The following ITGA2B variants were observed in gnomAD, a reference collection of about 807,000 sequenced individuals.
The protein encoded by ITGA2B is integrin alpha-IIb.
ITGA2B carries 91 observed loss-of-function variants against 142.0 expected under a neutral mutation model. The ratio of observed to expected loss-of-function variants is 0.64; its 90% CI spans 0.54 to 0.76. The LOEUF is 0.76. Among genes scored for constraint, ITGA2B ranks in the 30% least tolerant of loss-of-function variants. ITGA2B has a pLI of 0.00. For missense variants in ITGA2B, 1,231 were observed against 1,350.8 expected (o/e 0.91, Z 1.39); for synonymous variants, 536 against 567.2 (o/e 0.94, Z 0.78).
intron 27 of ITGA2B, 87 bp from the exon 28 acceptor site, chr17:44,374,847 G>T: frequency 1.5e-6 from 2 of 1,331,786 alleles, no homozygotes; most frequent in Non-Finnish European, 1.1e-6. Context: ...CGGCGGGGAA[G>T]CCCTGCCTCT....
intron 27 of ITGA2B, 117 bp from the exon 28 acceptor site, chr17:44,374,877 C>T: frequency 4.0e-6 from 5 of 1,255,388 alleles, no homozygotes; most frequent in Non-Finnish European, 5.7e-6. Context: ...CCACTGCAAT[C>T]CCCCAAAGTA....
intron 27 of ITGA2B, 87 bp from the exon 28 acceptor site, chr17:44,374,847 G>A: frequency 1.5e-6 from 2 of 1,331,788 alleles, no homozygotes; most frequent in Non-Finnish European, 1.1e-6. Flanking sequence ...CGGCGGGGAA[G>A]CCCTGCCTCT....
At chr17:44,376,008 G>T (rs761164872) in intron 24 of ITGA2B, 23 bp from the exon 25 acceptor site, 29 of 1,614,004 alleles carry the variant, frequency 1.8e-5, no homozygotes, top group Non-Finnish European at 2.3e-5. Context: ...TGGTGGCAGG[G>T]TGTGGGGAGC....
chr17:44,376,284 C>T, intron 23 of ITGA2B, 24 bp downstream of exon 23: 1 of 1,614,090 alleles, frequency 6.2e-7, no homozygotes, highest in Non-Finnish European at 8.5e-7. Flanking sequence ...ATGCCATCTC[C>T]CTTCTCCACC....
intron 20 of ITGA2B, among the ~76,000 whole-genome samples, chr17:44,378,067 T>C (rs969818880): frequency 3.3e-5 from 5 of 152,060 alleles, no homozygotes; most frequent in African/African-American, 4.8e-5. Flanking sequence ...TATATACTTA[T>C]GTGAGTGTGA....
chr17:44,375,505 C>T, intron 26 of ITGA2B, 86 bp downstream of exon 26: 4 of 1,535,852 alleles, frequency 2.6e-6, no homozygotes, highest in South Asian at 1.2e-5. Flanking sequence ...AGGCCCACAG[C>T]ACACCCGGAC....
chr17:44,380,408 G>C lies in ITGA2B; in HGVS notation c.1522C>G (p.Gln508Glu), dbSNP rs1199767805. The C allele has an allele frequency of 6.2e-7, 1 of 1,614,048 alleles. No individual in the cohort carries two copies. The highest frequency in any genetic ancestry group is 1.3e-5 in the African/African-American group (1 of 74,936). ...NPAVKSCVLP[Q>E]TKTPVSCFNI... ...CACCAGCTCACGGGTGTCTTGGTCT[G>C]AGGTAGGACACAGCTCTTCACAGCA... The change falls in exon 15 of 30, where the codon CAG (glutamine) becomes GAG (glutamate). Residue 508 changes from glutamine to glutamate, a missense_variant. Around this residue, in one of 3 missense-constraint regions of ITGA2B, gnomAD observed 908 missense variants for 1,021.1 expected, o/e 0.89. Transcript: ENST00000262407.
In ITGA2B at chr17:44,375,907, G is replaced by A. The variant is rs1233056961; in HGVS notation, c.2527C>T (p.Leu843=). The A allele has an allele frequency of 1.2e-6, 2 of 1,612,830 alleles. No homozygotes were observed. Among genetic ancestry groups the A allele is most frequent in the South Asian group, 1.1e-5 (1 of 90,678 alleles). The change falls in exon 25 of 30, where the codon CTG becomes TTG. Residue 843 remains leucine, a synonymous_variant. Transcript: ENST00000262407. ...GGCTGTATATCCAGGATGTAGAGCA[G>A]GTCGGAGGGCTGGGACTGTCCCGGA... ...HLPGQSQPSD[L]LYILDIQPQG...
chr17:44,387,681 C>T lies in ITGA2B; in HGVS notation c.189-1550G>A, dbSNP rs568832561. Among the ~76,000 whole-genome samples the T allele has an allele frequency of 4.4e-3, 659 of 151,468 alleles. 4 individuals carry two copies. The highest frequency in any genetic ancestry group is 0.015 in the African/African-American group (630 of 41,280). On this transcript the variant is annotated intron_variant, in intron 1 of 29. Coordinates refer to ENST00000262407, the MANE Select transcript of ITGA2B (RefSeq NM_000419.5). ...TCTCTACTAAAAATACAAAATTAGC[C>T]GGGTGTGGTGGCACATGCCTGTAAT...
At chr17:44,385,961 A>C in intron 2 of ITGA2B, 40 bp from the exon 3 acceptor site, 1 of 1,614,148 alleles carries the variant, frequency 6.2e-7, no homozygotes, top group Non-Finnish European at 8.5e-7. Context: ...GAAGCCCGGC[A>C]GTCCACGTCC....
chr17:44,387,239 T>G (rs1454300834), intron 1 of ITGA2B, among the ~76,000 whole-genome samples: 1 of 152,060 alleles, frequency 6.6e-6, no homozygotes, highest in Non-Finnish European at 1.5e-5. Flanking sequence ...ATTGTCAGAG[T>G]TGGCCGGGTG....
chr17:44,378,723 A>G lies in ITGA2B; in HGVS notation c.1879-13T>C, dbSNP rs1161369989. ...GGACGATTCGTGTCTAGAGGGGCAC[A>G]TTGGGGTGTGCGGGTAAGTTGGGGA... On this transcript the variant is annotated splice_polypyrimidine_tract_variant and intron_variant, in intron 18 of 29. Transcript: ENST00000262407. 18 of 1,553,866 alleles carry G rather than the reference A, an allele frequency of 1.2e-5. No individual in the cohort carries two copies. Among genetic ancestry groups the G allele is most frequent in the South Asian group, 2.4e-5 (2 of 84,164 alleles).
intron 18 of ITGA2B, among the ~76,000 whole-genome samples, chr17:44,379,217 G>T (rs945891212): frequency 6.7e-6 from 1 of 148,370 alleles, no homozygotes; most frequent in African/African-American, 2.5e-5. Flanking sequence ...GCCTCCCAAA[G>T]TGCTGGGATT....
chr17:44,384,620 G>A (rs554920295), intron 7 of ITGA2B, 35 bp from the exon 8 acceptor site: 2 of 1,612,480 alleles, frequency 1.2e-6, no homozygotes, highest in African/African-American at 1.3e-5. Context: ...CTTTTCCAGG[G>A]GAGGAAGCAC....
intron 18 of ITGA2B, among the ~76,000 whole-genome samples, chr17:44,379,331 A>G (rs2048573533): frequency 1.3e-5 from 2 of 150,250 alleles, no homozygotes; most frequent in Non-Finnish European, 3.0e-5. Flanking sequence ...GCTCACTGCA[A>G]CCTCTGCCTC....
Position 44,380,605 on chromosome 17 carries a change from C to G in ITGA2B, c.1434G>C (p.Val478=). ...CCCCTGGAGCCAGTGCTCACCTGTA[C>G]ACAGCCACCTGGTTGGCCCCGTAAG... ...VGAYGANQVA[V]YRAQPVVKAS... is the part of the protein sequence containing the mutation. The change falls in exon 14 of 30, where the codon GTG becomes GTC. Residue 478 remains valine (V), a synonymous_variant. Transcript: ENST00000262407. The G allele has an allele frequency of 6.2e-7, 1 of 1,614,226 alleles. No homozygotes were observed. Among genetic ancestry groups the G allele is most frequent in the East Asian group, 2.2e-5 (1 of 44,884 alleles).
chr17:44,385,805 C>T lies in ITGA2B; in HGVS notation c.408+19G>A. 2 of 1,606,628 alleles carry T rather than the reference C, an allele frequency of 1.2e-6. No homozygotes were observed. Among genetic ancestry groups the T allele is most frequent in the Middle Eastern group, 1.7e-4 (1 of 6,050 alleles). On this transcript the variant is annotated intron_variant, in intron 3 of 29. Coordinates refer to ENST00000262407, the MANE Select transcript of ITGA2B (RefSeq NM_000419.5). ...CCCTGCCCCCGATTGTTCCCTGTGC[C>T]CTGTACCGCGGGGCCCACCACAATG...
Position 44,377,676 on chromosome 17 carries a change from TACC to T in ITGA2B, c.2187+19_2187+21del. On this transcript the variant is annotated intron_variant, in intron 21 of 29. Coordinates refer to ENST00000262407, the MANE Select transcript of ITGA2B (RefSeq NM_000419.5). ...TCATGAGCCCCTGGTGGAGACCCGG[TACC>T]ACGACCCAGCAGCCTCACCTGGGCG... The T allele has an allele frequency of 6.3e-7, 1 of 1,594,202 alleles. No homozygotes were observed. The highest frequency in any genetic ancestry group is 8.6e-7 in the Non-Finnish European group (1 of 1,163,244).
At position 44,386,069 on chromosome 17, in the gene ITGA2B, A is replaced by T; in HGVS notation, c.251T>A (p.Val84Glu). The T allele has an allele frequency of 1.9e-6, 3 of 1,611,734 alleles. No individual in the cohort carries two copies. The highest frequency in any genetic ancestry group is 1.7e-6 in the Non-Finnish European group (2 of 1,179,756). ...LGPSQEETGG[V>E]FLCPWRAEGG... ...CTCGGCCCTCCAGGGGCACAGGAAC[A>T]CGCCGCCCGTCTCCTCCTGGCTGGG... The change falls in exon 2 of 30, where the codon GTG (valine) becomes GAG (glutamate). Residue 84 changes from valine to glutamate, a missense_variant. By Grantham distance (121) the Val-to-Glu change is moderately radical. Transcript: ENST00000262407.
Sources: allele counts gnomAD v4.1 joint callset (sites outside exome capture counted in the v4.1 genomes callset), GRCh38; gene constraint gnomAD v4.1.1; regional missense constraint gnomAD v4.1.1; transcripts MANE v1.5; gene names NCBI Gene and HGNC (gene_info 2026-07-23, HGNC 2026-07-21).